Variants in SMG6 observed in about 807,000 individuals in gnomAD.
The protein encoded by SMG6 is telomerase-binding protein EST1A.
SMG6 carries 66 observed loss-of-function variants against 142.2 expected under a neutral mutation model. That is an observed-to-expected ratio of 0.46 (90% CI 0.38 to 0.57). The LOEUF is 0.57. Among genes scored for constraint, SMG6 ranks in the 20% least tolerant of loss-of-function variants. The pLI, the probability that SMG6 is intolerant of heterozygous loss-of-function variation, is 0.00. For missense variants in SMG6, 1,793 were observed against 1,832.0 expected (o/e 0.98, Z 0.39); for synonymous variants, 779 against 702.4 (o/e 1.11, Z -1.72).
chr17:2,303,143 T>C, intron 1 of SMG6: 1 of 985,424 alleles, frequency 1.0e-6, no homozygotes, highest in African/African-American at 1.7e-5. Context: ...GTGGCGCAGC[T>C]TTCGGAAGCC....
intron 10 of SMG6, among the ~76,000 whole-genome samples, chr17:2,194,761 G>A (rs977887573): frequency 5.3e-5 from 8 of 151,984 alleles, no homozygotes; most frequent in Non-Finnish European, 1.0e-4. Context: ...TAATGCTGTT[G>A]AGGGGGTACG....
intron 10 of SMG6, among the ~76,000 whole-genome samples, chr17:2,220,562 C>G (rs763684627): frequency 6.6e-6 from 1 of 151,994 alleles, no homozygotes; most frequent in African/African-American, 2.4e-5. Context: ...CCCAAGAGTT[C>G]GAGGCTGCAG....
rs369677424 is a variant in SMG6 at position 2,228,176 on chromosome 17, G to A, written c.2869+8316C>T. Among the ~76,000 whole-genome samples the A allele has an allele frequency of 1.7e-4, 26 of 152,132 alleles. No individual in the cohort carries two copies. In the East Asian group the frequency reaches 4.6e-3, roughly 27 times the overall value. ...CCTCCTGGGTTCAAGCAATTCTTGTGCCTCAGCCTCTTGAGTAGCTGGGAT... is the reference window on the plus strand; with the variant it reads ...CCTCCTGGGTTCAAGCAATTCTTGTACCTCAGCCTCTTGAGTAGCTGGGAT... On this transcript the variant is annotated intron_variant, in intron 10 of 18. Coordinates refer to ENST00000263073, the MANE Select transcript of SMG6 (RefSeq NM_017575.5).
At chr17:2,069,347 T>C (rs543842072) in intron 15 of SMG6, among the ~76,000 whole-genome samples, 1 of 152,248 alleles carries the variant, frequency 6.6e-6, no homozygotes, top group Admixed American at 6.5e-5. Flanking sequence ...GAATCTGTTA[T>C]TTTGACTTAC....
chr17:2,155,084 A>C (rs2070960309), intron 13 of SMG6, among the ~76,000 whole-genome samples: 2 of 147,650 alleles, frequency 1.4e-5, no homozygotes, highest in Non-Finnish European at 1.5e-5. Flanking sequence ...ATGGAGTCTC[A>C]CTCCATCACC....
In SMG6 at chr17:2,096,264, C is replaced by T. The variant is rs181399638; in HGVS notation, c.3358-10363G>A. Among the ~76,000 whole-genome samples the T allele has an allele frequency of 4.6e-3, 699 of 152,144 alleles. 3 individuals carry two copies. The highest frequency in any genetic ancestry group is 8.1e-3 in the Non-Finnish European group (554 of 67,998). ...TATCGCCCAGGCTGGAGTGCAGTGG[C>T]GCGATCTCGGCTCACTGCAACCTTC... On this transcript the variant is annotated intron_variant, in intron 13 of 18. Coordinates refer to ENST00000263073, the MANE Select transcript of SMG6 (RefSeq NM_017575.5).
intron 10 of SMG6, among the ~76,000 whole-genome samples, chr17:2,230,511 T>A (rs1403944527): frequency 6.6e-6 from 1 of 152,050 alleles, no homozygotes; most frequent in Non-Finnish European, 1.5e-5. Flanking sequence ...GATAAAAGGC[T>A]TAATTTTACT....
intron 10 of SMG6, among the ~76,000 whole-genome samples, chr17:2,226,707 C>T (rs954137390): frequency 1.3e-5 from 2 of 152,106 alleles, no homozygotes; most frequent in African/African-American, 4.8e-5. Context: ...CCAGCCTTGC[C>T]AACATGGTGA....
At chr17:2,208,093 C>T (rs1159720474) in intron 10 of SMG6, among the ~76,000 whole-genome samples, 1 of 152,086 alleles carries the variant, frequency 6.6e-6, no homozygotes, top group Non-Finnish European at 1.5e-5. Flanking sequence ...CGTGCCACCG[C>T]ACTCCAGCCT....
At chr17:2,235,582 G>C (rs1245006793) in intron 10 of SMG6, 2 of 152,440 alleles carry the variant, frequency 1.3e-5, no homozygotes, top group Non-Finnish European at 2.9e-5. Context: ...GGTCTCTATG[G>C]GCCAATTCCC....
rs1415082302 is a variant in SMG6 at position 2,071,721 on chromosome 17, GT to G, written c.3682-2791del. Among the ~76,000 whole-genome samples the G allele has an allele frequency of 8.0e-6, 1 of 124,996 alleles. No individual in the cohort carries two copies. Among genetic ancestry groups the G allele is most frequent in the Non-Finnish European group, 1.7e-5 (1 of 60,298 alleles). The allele number at this position is 124,996 out of a possible 152,430, so 82.0% of individuals were successfully genotyped here. ...TGAAGCTGCTCCCTTTTCTCCTGGG[GT>G]ACCGGTGGGCCTCTGGGCGGGGGGG... On this transcript the variant is annotated intron_variant, in intron 15 of 18. Coordinates refer to ENST00000263073, the MANE Select transcript of SMG6 (RefSeq NM_017575.5). This position sits in a 1 kb window ranked among gnomAD's most constrained non-coding sequence, Gnocchi z 5.6.
chr17:2,229,641 T>C (rs2073414904), intron 10 of SMG6, among the ~76,000 whole-genome samples: 1 of 152,196 alleles, frequency 6.6e-6, no homozygotes, highest in African/African-American at 2.4e-5. Flanking sequence ...AGTGTCATCA[T>C]GTATTAGAGC....
At chr17:2,257,940 C>T (rs2074221319) in intron 8 of SMG6, among the ~76,000 whole-genome samples, 1 of 141,562 alleles carries the variant, frequency 7.1e-6, no homozygotes, top group Non-Finnish European at 1.5e-5. Flanking sequence ...ACCCAGAAGG[C>T]GGAGGGTGCA....
intron 13 of SMG6, among the ~76,000 whole-genome samples, chr17:2,096,240 A>G (rs568507971): frequency 1.3e-5 from 2 of 152,134 alleles, no homozygotes; most frequent in South Asian, 2.1e-4. Flanking sequence ...GTCTCACTGT[A>G]TCGCCCAGGC....
intron 8 of SMG6, among the ~76,000 whole-genome samples, chr17:2,254,073 GA>G (rs2074109110): frequency 6.6e-6 from 1 of 152,344 alleles, no homozygotes; most frequent in African/African-American, 2.4e-5. Context: ...CAGGTACACA[GA>G]AAAAGAGAAA....
Position 2,292,875 on chromosome 17 carries a change from G to C in SMG6, c.2254C>G (p.Arg752Gly). ...ACGAAGCAGAGGTAAAAGTACCTGCGTGCTTTCCCATAATTCGCTGTATCA... is the reference window on the plus strand; with the variant it reads ...ACGAAGCAGAGGTAAAAGTACCTGCCTGCTTTCCCATAATTCGCTGTATCA... ...ASDTANYGKA[R>G]SWYLKAQHIA... The change falls in exon 5 of 19, where the codon CGC becomes GGC. Residue 752 changes from arginine to glycine, a missense_variant. This residue lies in a region of SMG6 where 1,597 missense variants were observed against 1,584.6 expected (regional missense o/e 1.01). Coordinates refer to ENST00000263073, the MANE Select transcript of SMG6 (RefSeq NM_017575.5). 6.2e-7 allele frequency: 1 copy of C among 1,613,196 alleles called. No individual in the cohort carries two copies. The highest frequency in any genetic ancestry group is 8.5e-7 in the Non-Finnish European group (1 of 1,179,176).
At chr17:2,175,015 CA>C (rs2071615290) in intron 12 of SMG6, among the ~76,000 whole-genome samples, 1 of 152,120 alleles carries the variant, frequency 6.6e-6, no homozygotes, top group African/African-American at 2.4e-5. Context: ...CAGAGACAAG[CA>C]CCGGATGTGA....
At chr17:2,064,628 G>A (rs935814789) in intron 18 of SMG6, among the ~76,000 whole-genome samples, 33 of 152,130 alleles carry the variant, frequency 2.2e-4, no homozygotes, top group African/African-American at 8.0e-4. Flanking sequence ...AACAGAGAAG[G>A]TAGGAAGGTA....
intron 15 of SMG6, among the ~76,000 whole-genome samples, chr17:2,069,235 A>G (rs2068031540): frequency 6.6e-6 from 1 of 152,140 alleles, no homozygotes; most frequent in African/African-American, 2.4e-5. Context: ...CAAATTCAAC[A>G]AGGGAGAATT....
Sources: allele counts gnomAD v4.1 joint callset (sites outside exome capture counted in the v4.1 genomes callset), GRCh38; gene constraint gnomAD v4.1.1; regional missense constraint gnomAD v4.1.1; non-coding constraint Gnocchi (gnomAD v3.1); transcripts MANE v1.5; gene names NCBI Gene and HGNC (gene_info 2026-07-23, HGNC 2026-07-21).